Variants in SLC33A1 observed in about 807,000 individuals in gnomAD.
SLC33A1 encodes the protein solute carrier family 33 member 1, also known as acetyl-coenzyme A transporter 1.
A neutral mutation model predicts 50.0 loss-of-function variants in SLC33A1; 20 were observed. The ratio of observed to expected loss-of-function variants is 0.40; its 90% CI spans 0.28 to 0.58. The LOEUF (loss-of-function observed/expected upper bound fraction) is 0.58. Ranked by LOEUF, SLC33A1 falls within the 20% of genes least tolerant of loss-of-function variation. The pLI is 0.44. For missense variants in SLC33A1, 476 were observed against 657.0 expected, an observed-to-expected ratio of 0.72 and a Z score of 3.01; for synonymous variants, 265 against 251.8, an observed-to-expected ratio of 1.05 and a Z score of -0.50.
intron 2 of SLC33A1, among the ~76,000 whole-genome samples, chr3:155,839,840 C>T (rs1053533324): frequency 4.0e-5 from 6 of 151,478 alleles, no homozygotes; most frequent in African/African-American, 9.7e-5. Context: ...CCCAGCTACT[C>T]GGGAGGCTGA....
chr3:155,854,158 G>T lies in SLC33A1; in HGVS notation c.-161C>A. The T allele has an allele frequency of 1.9e-6, 1 of 538,004 alleles. No homozygotes were observed. The highest frequency in any genetic ancestry group is 3.0e-5 in the East Asian group (1 of 33,858). The allele number at this position is 538,004 out of a possible 1,614,324, so 33.3% of individuals were successfully genotyped here. A position where few individuals can be genotyped will look rare whatever the true frequency, so the allele number is the denominator to read the frequency against. On this transcript the variant is annotated 5_prime_UTR_variant, in exon 1 of 6. Coordinates refer to ENST00000643144, the MANE Select transcript of SLC33A1 (RefSeq NM_004733.4). ...TAAGGGCACTTCTTACTGCAGCCCG[G>T]AGTGCTGAAGCCGGGAGCCAGTCCT...
rs555094854 is a variant in SLC33A1 at position 155,822,133 on chromosome 3, T to C, written c.*6077A>G. 6.6e-6 allele frequency: 1 copy of C among 152,248 alleles called. No homozygotes were observed. The highest frequency in any genetic ancestry group is 2.1e-4 in the South Asian group (1 of 4,828). 9.4% of individuals were successfully genotyped at this position (152,248 alleles called of 1,614,324 possible). A position where few individuals can be genotyped will look rare whatever the true frequency, so the allele number is the denominator to read the frequency against. On this transcript the variant is annotated 3_prime_UTR_variant, in exon 6 of 6. Transcript: ENST00000643144. ...CCAATCTTATATTTCTCTAATTTTA[T>C]AGGGGCAGGTGATAAAAAAATTTCA... is the stretch of plus-strand genomic sequence containing the variant.
At chr3:155,834,681 T>C (rs1752580939) in intron 2 of SLC33A1, among the ~76,000 whole-genome samples, 1 of 152,054 alleles carries the variant, frequency 6.6e-6, no homozygotes. Flanking sequence ...AAAGAAAAAA[T>C]AGTACTTTTA....
At position 155,826,532 on chromosome 3, in the gene SLC33A1, G is replaced by C. The variant is rs1577452541; in HGVS notation, c.*1678C>G. ...CACATTTCATATGTAAGAGTTAAGT[G>C]GTTTTTTTTCTTTATTCAAGTAATC... On this transcript the variant is annotated 3_prime_UTR_variant, in exon 6 of 6. Transcript: ENST00000643144. The C allele has an allele frequency of 6.7e-6, 1 of 150,186 alleles. No individual in the cohort carries two copies. Among genetic ancestry groups the C allele is most frequent in the Non-Finnish European group, 1.5e-5 (1 of 66,788 alleles). 9.3% of individuals were successfully genotyped at this position (150,186 alleles called of 1,614,324 possible).
At chr3:155,834,372 TA>T (rs1277238701) in intron 2 of SLC33A1, among the ~76,000 whole-genome samples, 3 of 152,200 alleles carry the variant, frequency 2.0e-5, no homozygotes, top group Non-Finnish European at 4.4e-5. Flanking sequence ...TTGAAAGTTT[TA>T]GGTTTAAAAG....
intron 1 of SLC33A1, chr3:155,843,055 A>G (rs1752993819): frequency 1.3e-5 from 2 of 153,330 alleles, no homozygotes; most frequent in Admixed American, 6.6e-5. Flanking sequence ...ATTATATTCA[A>G]GGCATTGTAC....
At position 155,854,110 on chromosome 3, in the gene SLC33A1, G is replaced by A. The variant is rs1346546121; in HGVS notation, c.-113C>T. On this transcript the variant is annotated 5_prime_UTR_variant, in exon 1 of 6. Transcript: ENST00000643144. ...GGACCAGGGTTTCGGTGGTTCACGG[G>A]ATGGTGGCAGGGCTCAGAGCGATAA... 7.3e-6 allele frequency: 6 copies of A among 821,294 alleles called. No homozygotes were observed. Among genetic ancestry groups the A allele is most frequent in the Non-Finnish European group, 1.1e-5 (6 of 538,138 alleles). The allele number at this position is 821,294 out of a possible 1,614,324, so 50.9% of individuals were successfully genotyped here. A position where few individuals can be genotyped will look rare whatever the true frequency, so the allele number is the denominator to read the frequency against.
chr3:155,834,124 C>G (rs1248286495), intron 2 of SLC33A1, 83 bp from the exon 3 acceptor site: 1 of 1,055,456 alleles, frequency 9.5e-7, no homozygotes, highest in African/African-American at 1.6e-5. Flanking sequence ...CTTCAAGAAC[C>G]TCAATTTTAT....
rs1432228188 is a variant in SLC33A1, at chr3:155,821,182, A to T, written c.*7028T>A. On this transcript the variant is annotated 3_prime_UTR_variant, in exon 6 of 6. Transcript: ENST00000643144. ...TCTTTTAATAAATTAACCAAATATA[A>T]CTAACAGTTCAGATATACTCAAAAC... 6.6e-6 allele frequency: 1 copy of T among 152,230 alleles called. No individual in the cohort carries two copies. Among genetic ancestry groups the T allele is most frequent in the Non-Finnish European group, 1.5e-5 (1 of 68,040 alleles). The allele number at this position is 152,230 out of a possible 1,614,324, so 9.4% of individuals were successfully genotyped here.
intron 2 of SLC33A1, 91 bp from the exon 3 acceptor site, chr3:155,834,132 T>C: frequency 1.1e-6 from 1 of 913,020 alleles, no homozygotes. Context: ...ACCTCAATTT[T>C]ATTACTGACC....
chr3:155,844,087 T>A (rs1324654178), intron 1 of SLC33A1, among the ~76,000 whole-genome samples: 1 of 152,190 alleles, frequency 6.6e-6, no homozygotes, highest in East Asian at 1.9e-4. Flanking sequence ...TTTCCTTAGA[T>A]TGAATCTTGC....
Position 155,833,478 on chromosome 3 carries a change from G to A in SLC33A1, c.1256C>T (p.Ala419Val). The A allele has an allele frequency of 6.6e-7, 1 of 1,504,856 alleles. No individual in the cohort carries two copies. The highest frequency in any genetic ancestry group is 9.3e-7 in the Non-Finnish European group (1 of 1,080,376). 93.2% of individuals were successfully genotyped at this position (1,504,856 alleles called of 1,614,324 possible). A position where few individuals can be genotyped will look rare whatever the true frequency, so the allele number is the denominator to read the frequency against. ...CCACTGCAAGCTTACCTGATGTAAA[G>A]CATAACTCAGCAGGACTACGATATA... ...YYYIVVLLSY[A>V]LHQVTVYSMY... The change falls in exon 4 of 6, where the codon GCT becomes GTT. Residue 419 changes from alanine (A) to valine (V), a missense_variant. Physicochemically the swap from Ala to Val is moderately conservative, Grantham distance 64. Coordinates refer to ENST00000643144, the MANE Select transcript of SLC33A1 (RefSeq NM_004733.4).
intron 1 of SLC33A1, chr3:155,843,134 A>C (rs1169006891): frequency 1.3e-5 from 2 of 152,276 alleles, no homozygotes; most frequent in Admixed American, 6.6e-5. Context: ...TGACAACAAC[A>C]ACCAAAAAGG....
chr3:155,853,497 C>G lies in SLC33A1; in HGVS notation c.501G>C (p.Gly167=). 1 of 1,614,082 alleles carries G rather than the reference C, an allele frequency of 6.2e-7. No individual in the cohort carries two copies. Among genetic ancestry groups the G allele is most frequent in the Non-Finnish European group, 8.5e-7 (1 of 1,180,012 alleles). The change falls in exon 1 of 6, where the codon GGG becomes GGC. Residue 167 remains glycine, a synonymous_variant. Coordinates refer to ENST00000643144, the MANE Select transcript of SLC33A1 (RefSeq NM_004733.4). ...YLSTQVDRLL[G]NTDDRTPDVI... ...CGTCGGGTGTTCTGTCATCGGTATT[C>G]CCAAGCAAACGGTCCACCTGAGTGG...
intron 1 of SLC33A1, among the ~76,000 whole-genome samples, chr3:155,844,295 A>G (rs943449454): frequency 1.3e-5 from 2 of 151,648 alleles, no homozygotes; most frequent in Non-Finnish European, 2.9e-5. Context: ...AGGAAAAGAA[A>G]CTCAGAATAC....
At chr3:155,848,500 G>C (rs1441225053) in intron 1 of SLC33A1, among the ~76,000 whole-genome samples, 1 of 152,116 alleles carries the variant, frequency 6.6e-6, no homozygotes, top group Non-Finnish European at 1.5e-5. Flanking sequence ...GGCTAACATG[G>C]TGCAACCCTG....
chr3:155,842,724 A>T (rs1560018998), intron 1 of SLC33A1, 105 bp from the exon 2 acceptor site: 1 of 711,806 alleles, frequency 1.4e-6, no homozygotes. Flanking sequence ...TATTTAAAAA[A>T]TTAGCCAAGT....
rs1426345868 is a variant in SLC33A1 at position 155,833,949 on chromosome 3, C to T, written c.1056G>A (p.Met352Ile). 3 of 1,613,616 alleles carry T rather than the reference C, an allele frequency of 1.9e-6. No individual in the cohort carries two copies. Among genetic ancestry groups the T allele is most frequent in the Non-Finnish European group, 2.5e-6 (3 of 1,179,614 alleles). Residue 352 changes from methionine (M) to isoleucine (I), a missense_variant, in exon 3 of 6, where the codon ATG becomes ATA. By Grantham distance (10) the Met-to-Ile change is conservative. Coordinates refer to ENST00000643144, the MANE Select transcript of SLC33A1 (RefSeq NM_004733.4). ...GAGGCAGTATTATCTGCAAAGGAAC[C>T]ATTGGAACTGCCAATAAGGCTAAAT... ...KEHLALLAVP[M>I]VPLQIILPLI...
rs1259900861 is a variant in SLC33A1, at chr3:155,823,498, C to T, written c.*4712G>A. 2.0e-5 allele frequency: 3 copies of T among 152,064 alleles called. No homozygotes were observed. The highest frequency in any genetic ancestry group is 2.9e-5 in the Non-Finnish European group (2 of 68,088). 9.4% of individuals were successfully genotyped at this position (152,064 alleles called of 1,614,324 possible). A position where few individuals can be genotyped will look rare whatever the true frequency, so the allele number is the denominator to read the frequency against. On this transcript the variant is annotated 3_prime_UTR_variant, in exon 6 of 6. Coordinates refer to ENST00000643144, the MANE Select transcript of SLC33A1 (RefSeq NM_004733.4). ...CAGCCTGGCCAACATGGCAAAACCC[C>T]ATCTCGACCAAAAATACAAAAATAA...
Sources: gnomAD v4.1 joint callset for allele counts (sites outside exome capture counted in the v4.1 genomes callset) on GRCh38, gnomAD v4.1.1 for gene constraint, MANE v1.5 for transcripts, NCBI Gene and HGNC (gene_info 2026-07-23, HGNC 2026-07-21) for gene names.